Variants in RARB observed in about 807,000 individuals in gnomAD.
RARB encodes retinoic acid receptor beta, also known as HBV-activated protein.
In RARB, 17 loss-of-function variants were observed where a neutral mutation model predicts 51.9. That is an observed-to-expected ratio of 0.33 (90% confidence interval 0.22 to 0.49). RARB has a LOEUF of 0.49. RARB is among the 20% of genes least tolerant of loss of function. The pLI, the probability that RARB is intolerant of heterozygous loss-of-function variation, is 0.99. For synonymous variants in RARB, 215 were observed against 195.4 expected, an observed-to-expected ratio of 1.10 and a Z score of -0.84; for missense variants, 369 against 550.8, an observed-to-expected ratio of 0.67 and a Z score of 3.30.
At chr3:25,182,866 C>G (rs1157717389) in intron 5 of RARB, among the ~76,000 whole-genome samples, 1 of 151,986 alleles carries the variant, frequency 6.6e-6, no homozygotes, top group African/African-American at 2.4e-5. Flanking sequence ...TGACTATGTC[C>G]TTATAAAAGG....
At chr3:25,527,768 G>C (rs1698717370) in intron 3 of RARB, among the ~76,000 whole-genome samples, 1 of 152,190 alleles carries the variant, frequency 6.6e-6, no homozygotes, top group Non-Finnish European at 1.5e-5. Flanking sequence ...TCTCCTGAGT[G>C]ACTAAAACTG....
chr3:25,308,035 T>C (rs1704194885), intron 5 of RARB, among the ~76,000 whole-genome samples: 1 of 152,146 alleles, frequency 6.6e-6, no homozygotes. Flanking sequence ...CCCTGTAGGA[T>C]TGTGTTCCTC....
At chr3:25,250,469 G>T (rs1311378327) in intron 5 of RARB, among the ~76,000 whole-genome samples, 1 of 152,162 alleles carries the variant, frequency 6.6e-6, no homozygotes, top group African/African-American at 2.4e-5. Flanking sequence ...GCTGGGGAAT[G>T]AACACATTGG....
intron 3 of RARB, among the ~76,000 whole-genome samples, chr3:25,561,473 G>A (rs757972956): frequency 1.5e-4 from 23 of 151,770 alleles, no homozygotes; most frequent in Admixed American, 4.6e-4. Context: ...TGGATCAGTC[G>A]GGTTGTACTT....
chr3:25,368,219 A>G (rs565640184), intron 5 of RARB, among the ~76,000 whole-genome samples: 3 of 152,076 alleles, frequency 2.0e-5, no homozygotes, highest in African/African-American at 7.2e-5. Context: ...GCAGAATCCA[A>G]ATTTGTTTAT....
chr3:25,012,914 C>G (rs1038724585), intron 2 of RARB, among the ~76,000 whole-genome samples: 19 of 152,096 alleles, frequency 1.2e-4, no homozygotes, highest in African/African-American at 4.6e-4. Context: ...AGAATAGTTT[C>G]TGACACCAAA....
chr3:24,988,439 T>A (rs1696840567), intron 2 of RARB, among the ~76,000 whole-genome samples: 1 of 152,226 alleles, frequency 6.6e-6, no homozygotes, highest in African/African-American at 2.4e-5. Context: ...CCAGACTTAA[T>A]ATTAATTTGA....
chr3:25,010,477 A>G (rs1016816122), intron 2 of RARB, among the ~76,000 whole-genome samples: 5 of 152,170 alleles, frequency 3.3e-5, no homozygotes, highest in Admixed American at 3.3e-4. Context: ...TTAGTTATAT[A>G]ACATAATATT....
intron 5 of RARB, among the ~76,000 whole-genome samples, chr3:25,590,584 G>C (rs1701577768): frequency 6.6e-6 from 1 of 152,074 alleles, no homozygotes; most frequent in South Asian, 2.1e-4. Flanking sequence ...GCAGTGGCGT[G>C]ATCCCAGCTC....
chr3:25,399,948 T>G (rs1237664604), intron 5 of RARB, among the ~76,000 whole-genome samples: 1 of 152,220 alleles, frequency 6.6e-6, no homozygotes, highest in Non-Finnish European at 1.5e-5. Flanking sequence ...TCACTCTATG[T>G]CTCTATTTCC....
chr3:25,368,024 G>C lies in RARB; in HGVS notation c.179-93169G>C, dbSNP rs899180752. Among the ~76,000 whole-genome samples, 6 of 152,030 alleles carry C rather than the reference G, an allele frequency of 3.9e-5. No homozygotes were observed. The East Asian group carries it at 1.2e-3, about 29-fold the overall frequency. On this transcript the variant is annotated intron_variant, in intron 5 of 11. Transcript: ENST00000383772. ...GTAAGAAAATATTTTTTAAGCCTAA[G>C]TTTTTTACAAACAAAAATTTCAAGC...
chr3:25,408,893 G>T (rs182135106), intron 5 of RARB, among the ~76,000 whole-genome samples: 1 of 152,198 alleles, frequency 6.6e-6, no homozygotes, highest in East Asian at 1.9e-4. Flanking sequence ...AATTAGCTGG[G>T]CGTGGTGACA....
At chr3:25,244,578 T>C (rs1258460000) in intron 5 of RARB, among the ~76,000 whole-genome samples, 2 of 152,218 alleles carry the variant, frequency 1.3e-5, no homozygotes, top group Non-Finnish European at 2.9e-5. Context: ...TACCCAGTAG[T>C]CACTCAGGAG....
chr3:25,232,450 A>T (rs1422299277), intron 5 of RARB, among the ~76,000 whole-genome samples: 1 of 152,148 alleles, frequency 6.6e-6, no homozygotes. Flanking sequence ...CCATGAATCT[A>T]GTATATCTCT....
intron 3 of RARB, among the ~76,000 whole-genome samples, chr3:25,549,280 G>A (rs1270237974): frequency 6.6e-6 from 1 of 152,040 alleles, no homozygotes; most frequent in Non-Finnish European, 1.5e-5. Flanking sequence ...AAAGCAGAAG[G>A]CCCACTTCTA....
At chr3:24,839,727 G>T (rs1471898737) in intron 1 of RARB, among the ~76,000 whole-genome samples, 9 of 117,854 alleles carry the variant, frequency 7.6e-5, no homozygotes, top group Middle Eastern at 4.1e-3. Flanking sequence ...AAAGGGGGGG[G>T]GGGTGGGGGA....
intron 2 of RARB, among the ~76,000 whole-genome samples, chr3:25,007,304 A>C (rs1211030588): frequency 6.6e-6 from 1 of 152,144 alleles, no homozygotes; most frequent in Non-Finnish European, 1.5e-5. Flanking sequence ...ATGTTATCCT[A>C]AATGTAGAAC....
chr3:25,355,035 T>C (rs1705691186), intron 5 of RARB, among the ~76,000 whole-genome samples: 1 of 152,146 alleles, frequency 6.6e-6, no homozygotes, highest in South Asian at 2.1e-4. Flanking sequence ...TATAGCACCT[T>C]GCTGGGTCTA....
In RARB at chr3:25,192,757, G is replaced by T. The variant is rs567946091; in HGVS notation, c.178+18182G>T. ...ACACACACACGACAAAACTTGTTCT[G>T]TTGAAAACACCAGTGTCACCCATCG... is the stretch of plus-strand genomic sequence containing the variant. On this transcript the variant is annotated intron_variant, in intron 5 of 11. Coordinates refer to the RARB transcript ENST00000383772. Among the ~76,000 whole-genome samples, 13 of 152,108 alleles carry T rather than the reference G, an allele frequency of 8.5e-5. 1 individual carries two copies. The South Asian group carries it at 2.7e-3, about 32-fold the overall frequency.
Sources: gnomAD v4.1 joint callset for allele counts (sites outside exome capture counted in the v4.1 genomes callset) on GRCh38, gnomAD v4.1.1 for gene constraint, MANE v1.5 for transcripts, NCBI Gene and HGNC (gene_info 2026-07-23, HGNC 2026-07-21) for gene names.